EDEM3: variants seen among roughly 807,000 people sequenced by gnomAD.
EDEM3 encodes the protein ER degradation-enhancing alpha-mannosidase-like protein 3.
In EDEM3, 60 loss-of-function variants were observed where a neutral mutation model predicts 110.2. The observed-to-expected ratio is 0.54, with a 90% CI of 0.44 to 0.67. EDEM3 has a LOEUF of 0.67. EDEM3 is among the 30% of genes least tolerant of loss of function. EDEM3 has a pLI of 0.00. For synonymous variants in EDEM3, 352 were observed against 382.9 expected (o/e 0.92, Z 0.94); for missense variants, 996 against 1,121.0 (o/e 0.89, Z 1.59).
intron 2 of EDEM3, among the ~76,000 whole-genome samples, chr1:184,738,317 TTAAG>T (rs1317325025): frequency 2.6e-5 from 4 of 152,130 alleles, no homozygotes; most frequent in African/African-American, 9.7e-5. Flanking sequence ...CCCAGAGAAG[TTAAG>T]TAAGCCTAGA....
intron 18 of EDEM3, 116 bp from the exon 19 acceptor site, chr1:184,703,112 T>C (rs1649719430): frequency 4.8e-6 from 4 of 841,680 alleles, no homozygotes; most frequent in Middle Eastern, 5.4e-4. Flanking sequence ...TCAAGAACCA[T>C]AAAAACCAAC....
intron 2 of EDEM3, among the ~76,000 whole-genome samples, chr1:184,748,474 CA>C (rs992640189): frequency 3.3e-5 from 5 of 149,444 alleles, no homozygotes; most frequent in African/African-American, 1.2e-4. Context: ...AAACAAAAAA[CA>C]AAAAAAACAT....
chr1:184,708,193 C>A lies in EDEM3; in HGVS notation c.1997G>T (p.Gly666Val). The A allele has an allele frequency of 6.2e-7, 1 of 1,613,650 alleles. No individual in the cohort carries two copies. Among genetic ancestry groups the A allele is most frequent in the South Asian group, 1.1e-5 (1 of 91,044 alleles). ...CAGATCCAGCCCAAACTGAGCTGGTCCAGCAGTCAATACTACCCTGCCAAA... is the reference window on the plus strand; with the variant it reads ...CAGATCCAGCCCAAACTGAGCTGGTACAGCAGTCAATACTACCCTGCCAAA... ...PFFGRVVLTA[G>V]PAQFGLDLSK... The change falls in exon 17 of 20, where the codon GGA (glycine) becomes GTA (valine). Residue 666 changes from glycine to valine, a missense_variant. Transcript: ENST00000318130.
intron 8 of EDEM3, 132 bp downstream of exon 8, chr1:184,723,619 T>C (rs1198664128): frequency 2.9e-5 from 22 of 750,380 alleles, no homozygotes; most frequent in Non-Finnish European, 4.4e-5. Context: ...CTAAATTAAT[T>C]AAAATTCCAG....
chr1:184,717,348 GA>G (rs372352939), intron 12 of EDEM3, among the ~76,000 whole-genome samples, 191 bp downstream of exon 12: 56 of 151,832 alleles, frequency 3.7e-4, no homozygotes, highest in African/African-American at 1.3e-3. Context: ...ATTTTTTAAA[GA>G]AAAAAACCTT....
At chr1:184,727,362 A>G (rs1254310304) in intron 6 of EDEM3, among the ~76,000 whole-genome samples, 1 of 152,202 alleles carries the variant, frequency 6.6e-6, no homozygotes, top group African/African-American at 2.4e-5. Flanking sequence ...TTTTTCAGCA[A>G]TCCAAATAAC....
At position 184,704,763 on chromosome 1, in the gene EDEM3, A is replaced by G. The variant is rs191372144; in HGVS notation, c.2204-1767T>C. 3.1e-4 allele frequency among the ~76,000 whole-genome samples: 47 copies of G among 151,704 alleles called. No individual in the cohort carries two copies. In the East Asian group the frequency reaches 8.3e-3, roughly 27 times the overall value. On this transcript the variant is annotated intron_variant, in intron 18 of 19. Coordinates refer to ENST00000318130, the MANE Select transcript of EDEM3 (RefSeq NM_025191.4). ...ATTTTCCAACTAATAGCTACCAAAA[A>G]AAACATTTGACGGGCCAGGCTTGGT... is the stretch of plus-strand genomic sequence containing the variant.
At chr1:184,701,459 C>T (rs896482397) in intron 19 of EDEM3, 35 of 1,202,532 alleles carry the variant, frequency 2.9e-5, no homozygotes, top group Non-Finnish European at 3.7e-5. Flanking sequence ...TACATATATA[C>T]GTATATAATT....
chr1:184,718,056 A>G (rs1002327216), intron 11 of EDEM3, among the ~76,000 whole-genome samples: 2 of 152,058 alleles, frequency 1.3e-5, no homozygotes, highest in African/African-American at 2.4e-5. Context: ...ATGTTTTGAT[A>G]TATTTATACA....
At chr1:184,736,898 G>A (rs1168458022) in intron 4 of EDEM3, 127 bp downstream of exon 4, 23 of 730,164 alleles carry the variant, frequency 3.1e-5, no homozygotes, top group Non-Finnish European at 4.1e-5. Flanking sequence ...GATTTATTTA[G>A]AAGCAAAGAT....
In EDEM3 at chr1:184,734,861, G is replaced by C. The variant is rs1016775812; in HGVS notation, c.346-218C>G. 2.0e-5 allele frequency among the ~76,000 whole-genome samples: 3 copies of C among 152,016 alleles called. No homozygotes were observed. The East Asian group carries it at 5.8e-4, about 29-fold the overall frequency. ...CTTTATACACTTCTTTGCATACACC[G>C]AAATATTATGAGGACTTTGAAGCTA... On this transcript the variant is annotated intron_variant, in intron 4 of 19. Coordinates refer to ENST00000318130, the MANE Select transcript of EDEM3 (RefSeq NM_025191.4).
At chr1:184,733,769 A>G (rs997192384) in intron 5 of EDEM3, among the ~76,000 whole-genome samples, 1 of 151,394 alleles carries the variant, frequency 6.6e-6, no homozygotes, top group Non-Finnish European at 1.5e-5. Flanking sequence ...CAGAGGTTGC[A>G]GTGAGCCAAG....
intron 16 of EDEM3, 82 bp from the exon 17 acceptor site, chr1:184,708,426 T>C: frequency 7.0e-7 from 1 of 1,423,794 alleles, no homozygotes; most frequent in Non-Finnish European, 9.6e-7. Flanking sequence ...CACTGTACTG[T>C]AGTATTCTAC....
chr1:184,708,431 T>C (rs996241787), intron 16 of EDEM3, 87 bp from the exon 17 acceptor site: 2 of 1,367,460 alleles, frequency 1.5e-6, no homozygotes, highest in African/African-American at 3.0e-5. Context: ...TACTGTAGTA[T>C]TCTACTCTAC....
Position 184,712,515 on chromosome 1 carries a change from T to G in EDEM3, c.1454A>C (p.Glu485Ala). The change falls in exon 14 of 20, where the codon GAA becomes GCA. Residue 485 changes from glutamate (E) to alanine (A), a missense_variant. Transcript: ENST00000318130. ...ADKEDIIFDI[E>A]DYIFTTEAHL... is the part of the protein sequence containing the mutation. ...AGCTTCTGTTGTAAAGATGTAATCT[T>G]CTATGTCAAAAATAATGTCTTCTTT... 5 of 1,604,520 alleles carry G rather than the reference T, an allele frequency of 3.1e-6. No homozygotes were observed. The highest frequency in any genetic ancestry group is 4.3e-6 in the Non-Finnish European group (5 of 1,175,264).
At chr1:184,732,571 T>C (rs1651588909) in intron 6 of EDEM3, among the ~76,000 whole-genome samples, 3 of 152,296 alleles carry the variant, frequency 2.0e-5, no homozygotes, top group South Asian at 4.1e-4. Context: ...TATCAAAATA[T>C]CTCACATACC....
chr1:184,713,218 T>C (rs1395820575), intron 13 of EDEM3, among the ~76,000 whole-genome samples: 1 of 151,760 alleles, frequency 6.6e-6, no homozygotes, highest in African/African-American at 2.4e-5. Context: ...GTGAGCCGAG[T>C]GCAGTGTCAC....
chr1:184,731,199 G>C (rs1460283246), intron 6 of EDEM3, among the ~76,000 whole-genome samples: 2 of 152,154 alleles, frequency 1.3e-5, no homozygotes, highest in African/African-American at 4.8e-5. Context: ...AAGAGGGAGA[G>C]AGTAATAGTG....
intron 16 of EDEM3, among the ~76,000 whole-genome samples, chr1:184,708,728 A>G (rs1650067588): frequency 6.6e-6 from 1 of 152,250 alleles, no homozygotes; most frequent in Non-Finnish European, 1.5e-5. Context: ...ACCAGATTCA[A>G]TTTGATTCAA....
Sources: allele counts gnomAD v4.1 joint callset (sites outside exome capture counted in the v4.1 genomes callset), GRCh38; gene constraint gnomAD v4.1.1; transcripts MANE v1.5; gene names NCBI Gene and HGNC (gene_info 2026-07-23, HGNC 2026-07-21).